Variants in UNC45B observed in about 807,000 individuals in gnomAD.
UNC45B encodes the protein unc-45 myosin chaperone B.
UNC45B carries 78 observed loss-of-function variants against 98.7 expected under a neutral mutation model. The observed-to-expected ratio is 0.79, with a 90% CI of 0.66 to 0.95. The LOEUF is 0.95. Among genes scored for constraint, UNC45B ranks in the 40% least tolerant of loss-of-function variants. UNC45B has a pLI of 0.00. For missense variants in UNC45B, 1,225 were observed against 1,184.9 expected (o/e 1.03, Z -0.50); for synonymous variants, 462 against 480.4 (o/e 0.96, Z 0.50).
At chr17:35,182,651 A>T (rs1422819332) in intron 18 of UNC45B, among the ~76,000 whole-genome samples, 2 of 151,806 alleles carry the variant, frequency 1.3e-5, no homozygotes. Flanking sequence ...GGCCATGCTG[A>T]CCCCTCTGAT....
chr17:35,164,068 C>A lies in UNC45B; in HGVS notation c.1053C>A (p.Thr351=). 6.2e-7 allele frequency: 1 copy of A among 1,614,064 alleles called. No individual in the cohort carries two copies. The change falls in exon 9 of 20, where the codon ACC becomes ACA. Residue 351 remains threonine (T), a synonymous_variant. Coordinates refer to ENST00000394570, the MANE Select transcript of UNC45B (RefSeq NM_001267052.2). ...LPSCLPLTDN[T]RMLASILINK... ...CCTGCCTGCCCCTGACTGACAACAC[C>A]CGCATGCTGGCCTCTATCCTCATCA...
In UNC45B at chr17:35,188,429, C is replaced by G; in HGVS notation, c.*1870C>G. The G allele has an allele frequency of 6.6e-6, 1 of 151,258 alleles. No individual in the cohort carries two copies. Among genetic ancestry groups the G allele is most frequent in the Non-Finnish European group, 1.5e-5 (1 of 68,000 alleles). The allele number at this position is 151,258 out of a possible 1,614,324, so 9.4% of individuals were successfully genotyped here. A position where few individuals can be genotyped will look rare whatever the true frequency, so the allele number is the denominator to read the frequency against. On this transcript the variant is annotated 3_prime_UTR_variant, in exon 20 of 20. Transcript: ENST00000394570. The stretch of plus-strand genomic sequence containing the variant: ...TTACATCTGCCAGTGGCGTTCAGGG[C>G]CAGTTAGATAAAGTTCATCTTGTTT...
At chr17:35,148,918 A>G (rs2091996182) in intron 2 of UNC45B, 55 bp from the exon 3 acceptor site, 21 of 1,608,572 alleles carry the variant, frequency 1.3e-5, no homozygotes, top group Non-Finnish European at 1.8e-5. Context: ...CTCTCTGGCC[A>G]TCTCTGCATT....
chr17:35,170,043 C>T (rs1207964096), intron 11 of UNC45B, 71 bp from the exon 12 acceptor site: 3 of 1,601,928 alleles, frequency 1.9e-6, no homozygotes, highest in African/African-American at 2.7e-5. Context: ...TGGTTCACCA[C>T]CCTGAAATCG....
chr17:35,178,550 C>T (rs890480217), intron 17 of UNC45B, among the ~76,000 whole-genome samples: 40 of 152,114 alleles, frequency 2.6e-4, no homozygotes, highest in Non-Finnish European at 4.9e-4. Flanking sequence ...TAATTAGATC[C>T]CATTTGTCAA....
intron 9 of UNC45B, among the ~76,000 whole-genome samples, chr17:35,166,086 T>TAAAAAAAAAAAAAAAAAAAAAAAAAAAA (rs55844448): frequency 2.9e-4 from 17 of 58,106 alleles, no homozygotes; most frequent in Non-Finnish European, 3.9e-4. Flanking sequence ...CCCTCATCTC[T>TAAAAAAAAAAAAAAAAAAAAAAAAAAAA]AAAAAAAAAA....
chr17:35,170,789 A>G (rs1227032723), intron 12 of UNC45B, among the ~76,000 whole-genome samples: 1 of 152,140 alleles, frequency 6.6e-6, no homozygotes, highest in Non-Finnish European at 1.5e-5. Flanking sequence ...GTGAGCTAGA[A>G]TTCCAGCTCT....
chr17:35,186,244 ACTCTGGGGACACACTCAAAC>A, intron 19 of UNC45B, 35 bp from the exon 20 acceptor site: 1 of 1,593,682 alleles, frequency 6.3e-7, no homozygotes, highest in Non-Finnish European at 8.6e-7. Flanking sequence ...CAACACATGA[ACTCTGGGGACACACTCAAAC>A]CTAGCACCTT....
intron 14 of UNC45B, 142 bp downstream of exon 14, chr17:35,174,511 GGGGATCA>G: frequency 7.9e-7 from 1 of 1,266,476 alleles, no homozygotes; most frequent in Non-Finnish European, 1.1e-6. Flanking sequence ...AAAGGTCTGA[GGGGATCA>G]GCTTTGAAAA....
chr17:35,154,776 G>A (rs748491740), intron 6 of UNC45B, 35 bp downstream of exon 6: 97 of 1,534,114 alleles, frequency 6.3e-5, no homozygotes, highest in Non-Finnish European at 7.7e-5. Flanking sequence ...TGGAGCAGAC[G>A]ACTGCTGGTC....
At position 35,174,385 on chromosome 17, in the gene UNC45B, G is replaced by T. The variant is rs377435724; in HGVS notation, c.1958+16G>T. 30 of 1,613,818 alleles carry T rather than the reference G, an allele frequency of 1.9e-5. No individual in the cohort carries two copies. Among genetic ancestry groups the T allele is most frequent in the Non-Finnish European group, 2.2e-5 (26 of 1,179,912 alleles). On this transcript the variant is annotated intron_variant, in intron 14 of 19. Coordinates refer to ENST00000394570, the MANE Select transcript of UNC45B (RefSeq NM_001267052.2). Reference sequence around the variant, plus strand: ...TGCTGGCCAGGTGGGGCTGCAGTGGGCCAAGGCTTGGAACTAGGGCTGGGG... The same window carrying T: ...TGCTGGCCAGGTGGGGCTGCAGTGGTCCAAGGCTTGGAACTAGGGCTGGGG...
intron 13 of UNC45B, among the ~76,000 whole-genome samples, chr17:35,173,816 T>TTC: frequency 6.9e-6 from 1 of 144,346 alleles, no homozygotes; most frequent in East Asian, 2.1e-4. Context: ...GGCCATGGAT[T>TTC]TTTTTTTTTT....
chr17:35,181,223 C>T (rs1292988485), intron 18 of UNC45B, among the ~76,000 whole-genome samples: 6 of 152,180 alleles, frequency 3.9e-5, no homozygotes, highest in Admixed American at 3.9e-4. Flanking sequence ...TCAGAACATG[C>T]CGTAGGCTTC....
At chr17:35,159,643 T>G in intron 8 of UNC45B, 98 bp downstream of exon 8, 2 of 1,363,762 alleles carry the variant, frequency 1.5e-6, no homozygotes, top group South Asian at 2.8e-5. Context: ...TGAAGGGGTC[T>G]TCAGTTCTAA....
At chr17:35,176,794 G>T (rs555444644) in intron 15 of UNC45B, among the ~76,000 whole-genome samples, 1 of 152,332 alleles carries the variant, frequency 6.6e-6, no homozygotes, top group Non-Finnish European at 1.5e-5. Flanking sequence ...ATATTTAGGT[G>T]GGTGGGAGGA....
In UNC45B at chr17:35,169,400, C is replaced by T. The variant is rs1197217967; in HGVS notation, c.1453-437C>T. ...AAAAGTGAATTTTCTCTTATGAAAC[C>T]GCCCCCCTAAGAAAAGTCCAATTTT... On this transcript the variant is annotated intron_variant, in intron 10 of 19. Transcript: ENST00000394570. 4.6e-5 allele frequency among the ~76,000 whole-genome samples: 7 copies of T among 152,214 alleles called. No individual in the cohort carries two copies. The South Asian group carries it at 8.3e-4, about 18-fold the overall frequency.
chr17:35,154,141 C>A (rs1328622637), intron 5 of UNC45B, among the ~76,000 whole-genome samples: 2 of 152,078 alleles, frequency 1.3e-5, no homozygotes, highest in African/African-American at 4.8e-5. Flanking sequence ...TTCAGATTCC[C>A]CTGAACAGGA....
intron 7 of UNC45B, among the ~76,000 whole-genome samples, chr17:35,156,768 A>G (rs769411727): frequency 6.6e-6 from 1 of 152,234 alleles, no homozygotes; most frequent in Non-Finnish European, 1.5e-5. Context: ...CATTCAGGTA[A>G]TCACTATTAC....
rs1185977760 is a variant in UNC45B at position 35,155,323 on chromosome 17, A to G, written c.667A>G (p.Ile223Val). ...RATVILHAVR[I>V]DRICSLMAVE... is the part of the protein sequence containing the mutation. ...CACAGTGATTCTGCATGCAGTGCGG[A>G]TAGACCGAATCTGTAGCCTCATGGC... Residue 223 changes from isoleucine to valine, a missense_variant, in exon 7 of 20, where the codon ATA becomes GTA. By Grantham distance (29) the Ile-to-Val change is conservative (BLOSUM62 3). Coordinates refer to ENST00000394570, the MANE Select transcript of UNC45B (RefSeq NM_001267052.2). 1 of 1,614,026 alleles carries G rather than the reference A, an allele frequency of 6.2e-7. No individual in the cohort carries two copies. The highest frequency in any genetic ancestry group is 1.3e-5 in the African/African-American group (1 of 74,930).
Sources: gnomAD v4.1 joint callset for allele counts (sites outside exome capture counted in the v4.1 genomes callset) on GRCh38, gnomAD v4.1.1 for gene constraint, MANE v1.5 for transcripts, NCBI Gene and HGNC (gene_info 2026-07-23, HGNC 2026-07-21) for gene names.